Variants in ASPHD2 observed in about 807,000 individuals in gnomAD.
ASPHD2 encodes the protein aspartate beta-hydroxylase domain-containing protein 2.
In ASPHD2, 12 loss-of-function variants were observed where a neutral mutation model predicts 34.6. The ratio of observed to expected loss-of-function variants is 0.35; its 90% CI spans 0.22 to 0.56. ASPHD2 has a LOEUF of 0.56. Among genes scored for constraint, ASPHD2 ranks in the 20% least tolerant of loss-of-function variants. The pLI is 0.87. For synonymous variants in ASPHD2, 224 were observed against 212.2 expected (o/e 1.06, Z -0.48); for missense variants, 375 against 505.0 (o/e 0.74, Z 2.47).
chr22:26,440,572 G>T (rs1036704939), intron 2 of ASPHD2, among the ~76,000 whole-genome samples: 1 of 151,868 alleles, frequency 6.6e-6, no homozygotes, highest in Non-Finnish European at 1.5e-5. Flanking sequence ...GGCCTCACGC[G>T]ATCTGCCCAC....
chr22:26,438,873 G>T (rs370594411), intron 2 of ASPHD2, among the ~76,000 whole-genome samples: 1 of 151,984 alleles, frequency 6.6e-6, no homozygotes, highest in Non-Finnish European at 1.5e-5. Context: ...AGGCTGGGAG[G>T]CTAGGCCAGT....
In ASPHD2 at chr22:26,444,229, T is replaced by C. The variant is rs2084887420; in HGVS notation, c.*1023T>C. 7.0e-6 allele frequency: 1 copy of C among 142,896 alleles called. No homozygotes were observed. Among genetic ancestry groups the C allele is most frequent in the Non-Finnish European group, 1.5e-5 (1 of 65,090 alleles). 8.9% of individuals were successfully genotyped at this position (142,896 alleles called of 1,614,324 possible). A position where few individuals can be genotyped will look rare whatever the true frequency, so the allele number is the denominator to read the frequency against. On this transcript the variant is annotated 3_prime_UTR_variant, in exon 4 of 4. Coordinates refer to ENST00000215906, the MANE Select transcript of ASPHD2 (RefSeq NM_020437.5). The stretch of plus-strand genomic sequence containing the variant: ...TGCTTTGGAGTTCTGTTGCCTATGT[T>C]TTTTTTTTTTTCATTTATTTGTCTG...
intron 2 of ASPHD2, among the ~76,000 whole-genome samples, chr22:26,435,653 GCTGT>G (rs1166432227): frequency 2.6e-5 from 4 of 152,074 alleles, no homozygotes; most frequent in African/African-American, 7.2e-5. Flanking sequence ...TGCTTCTCCT[GCTGT>G]CTGTGTGGGG....
chr22:26,433,390 A>C lies in ASPHD2; in HGVS notation c.-224-2A>C. On this transcript the variant is annotated splice_acceptor_variant, in intron 1 of 3. Transcript: ENST00000215906. LOFTEE classifies it low-confidence loss of function (5UTR_SPLICE). This position sits in a 1 kb window ranked among gnomAD's most constrained non-coding sequence, Gnocchi z 5.1. ...TATGCTGATTTTTTTTTTCCATCCC[A>C]GGTTTGGTTTTCCTAAACAAATCCT... 1 of 539,284 alleles carries C rather than the reference A, an allele frequency of 1.9e-6. No individual in the cohort carries two copies. Among genetic ancestry groups the C allele is most frequent in the African/African-American group, 1.9e-5 (1 of 51,798 alleles). The allele number at this position is 539,284 out of a possible 1,614,324, so 33.4% of individuals were successfully genotyped here.
rs1331016757 is a variant in ASPHD2, at chr22:26,429,614, G to GCCGCCGCCC, written c.-225+135_-225+143dup. On this transcript the variant is annotated intron_variant, in intron 1 of 3. Transcript: ENST00000215906. This position sits in a 1 kb window ranked among gnomAD's most constrained non-coding sequence, Gnocchi z 4.5. ...GCCCTCCCTTACCGGCGCCGCCGCC[G>GCCGCCGCCC]CCGCCGCCCCCGCCGAGGATGCTCC... 1.3e-5 allele frequency: 2 copies of GCCGCCGCCC among 155,314 alleles called. No individual in the cohort carries two copies. Among genetic ancestry groups the GCCGCCGCCC allele is most frequent in the Non-Finnish European group, 2.8e-5 (2 of 70,424 alleles). 9.6% of individuals were successfully genotyped at this position (155,314 alleles called of 1,614,324 possible).
chr22:26,438,544 C>CAT (rs2084811495), intron 2 of ASPHD2, among the ~76,000 whole-genome samples: 4 of 139,900 alleles, frequency 2.9e-5, no homozygotes, highest in African/African-American at 1.1e-4. Flanking sequence ...TATACACATA[C>CAT]ATATATACAC....
Position 26,434,228 on chromosome 22 carries a change from C to G in ASPHD2, c.613C>G (p.Leu205Val). 1 of 1,614,134 alleles carries G rather than the reference C, an allele frequency of 6.2e-7. No homozygotes were observed. Among genetic ancestry groups the G allele is most frequent in the Non-Finnish European group, 8.5e-7 (1 of 1,180,020 alleles). The part of the protein sequence containing the change: ...FQTILCEFET[L>V]YKAFSNCSLP... ...GACCATCCTGTGTGAGTTTGAGACC[C>G]TCTACAAAGCTTTCTCAAACTGCAG... Residue 205 changes from leucine to valine, a missense_variant, in exon 2 of 4, where the codon CTC becomes GTC. Leu to Val is a conservative substitution (Grantham distance 32). Transcript: ENST00000215906.
chr22:26,438,578 T>TACACATACATAC (rs879402719), intron 2 of ASPHD2, among the ~76,000 whole-genome samples: 2 of 139,250 alleles, frequency 1.4e-5, no homozygotes, highest in Non-Finnish European at 3.1e-5. Context: ...CATACATATA[T>TACACATACATAC]ATACATACAT....
chr22:26,440,804 G>A (rs2084831314), intron 2 of ASPHD2, among the ~76,000 whole-genome samples: 1 of 152,102 alleles, frequency 6.6e-6, no homozygotes, highest in African/African-American at 2.4e-5. Context: ...CACTGTGTGA[G>A]CCTTTGATTT....
At position 26,442,352 on chromosome 22, in the gene ASPHD2, G is replaced by A. The variant is rs1601707309; in HGVS notation, c.887-107G>A. 3.8e-6 allele frequency: 3 copies of A among 794,586 alleles called. No homozygotes were observed. In the South Asian group the frequency reaches 5.3e-5, roughly 14 times the overall value. The allele number at this position is 794,586 out of a possible 1,614,324, so 49.2% of individuals were successfully genotyped here. A position where few individuals can be genotyped will look rare whatever the true frequency, so the allele number is the denominator to read the frequency against. ...GGCTCCAGAGGTGTGAGGCAGGTCA[G>A]GTGCTTTAGAAGTCAAAAACTCTCA... On this transcript the variant is annotated intron_variant, in intron 2 of 3. Transcript: ENST00000215906.
rs867271019 is a variant in ASPHD2, at chr22:26,429,422, G to A, written c.-289G>A. On this transcript the variant is annotated 5_prime_UTR_variant, in exon 1 of 4. Transcript: ENST00000215906. This position sits in a 1 kb window ranked among gnomAD's most constrained non-coding sequence, Gnocchi z 4.5. Reference sequence around the variant, plus strand: ...GCGGCGCCGGGCAGGGGCCGTCCGCGGGTCCGCGCCCTCGGGCGGCGGCGT... The same window carrying A: ...GCGGCGCCGGGCAGGGGCCGTCCGCAGGTCCGCGCCCTCGGGCGGCGGCGT... 6.8e-6 allele frequency: 1 copy of A among 147,086 alleles called. No homozygotes were observed. The highest frequency in any genetic ancestry group is 2.5e-5 in the African/African-American group (1 of 40,742). 9.1% of individuals were successfully genotyped at this position (147,086 alleles called of 1,614,324 possible). A position where few individuals can be genotyped will look rare whatever the true frequency, so the allele number is the denominator to read the frequency against.
At chr22:26,441,676 A>T (rs2084841921) in intron 2 of ASPHD2, among the ~76,000 whole-genome samples, 1 of 152,138 alleles carries the variant, frequency 6.6e-6, no homozygotes, top group South Asian at 2.1e-4. Flanking sequence ...CTGTAATCCC[A>T]GCACTTTGGG....
rs772208277 is a variant in ASPHD2, at chr22:26,433,903, C to T, written c.288C>T (p.Ala96=). Residue 96 remains alanine (A), a synonymous_variant, in exon 2 of 4, where the codon GCC becomes GCT. Transcript: ENST00000215906. This position sits in a 1 kb window ranked among gnomAD's most constrained non-coding sequence, Gnocchi z 5.1. Reference sequence around the variant, plus strand: ...CCGTCAACTCCCTCATGCAGGCTGCCGATGCCAACGGGCTGCAGAATGGCT... The same window carrying T: ...CCGTCAACTCCCTCATGCAGGCTGCTGATGCCAACGGGCTGCAGAATGGCT... ...YVSVNSLMQA[A]DANGLQNGYV... is the part of the protein sequence containing the mutation. 1.1e-5 allele frequency: 17 copies of T among 1,613,560 alleles called. No homozygotes were observed. Among genetic ancestry groups the T allele is most frequent in the Non-Finnish European group, 5.9e-6 (7 of 1,180,044 alleles).
intron 2 of ASPHD2, among the ~76,000 whole-genome samples, chr22:26,441,478 TAA>T (rs34554219): frequency 3.1e-5 from 3 of 95,622 alleles, no homozygotes; most frequent in African/African-American, 4.5e-5. Flanking sequence ...ACCTTGTATC[TAA>T]AAAAAAAAAA....
At position 26,434,161 on chromosome 22, in the gene ASPHD2, C is replaced by T. The variant is rs747823171; in HGVS notation, c.546C>T (p.Asp182=). Residue 182 remains aspartate (D), a synonymous_variant, in exon 2 of 4, where the codon GAC becomes GAT. Coordinates refer to ENST00000215906, the MANE Select transcript of ASPHD2 (RefSeq NM_020437.5). ...CCACCACGCCCTATTTCTCCCGGGA[C>T]GCACAGAAACATGATGTGGAAGTGC... ...DLPTTPYFSR[D]AQKHDVEVLE... The T allele has an allele frequency of 2.5e-6, 4 of 1,612,326 alleles. No individual in the cohort carries two copies. Among genetic ancestry groups the T allele is most frequent in the African/African-American group, 1.3e-5 (1 of 74,828 alleles).
At chr22:26,442,870 A>G (rs946333519) in intron 3 of ASPHD2, among the ~76,000 whole-genome samples, 5 of 152,022 alleles carry the variant, frequency 3.3e-5, no homozygotes, top group African/African-American at 1.2e-4. Flanking sequence ...AAAAATTCCC[A>G]CTTAAAGATC....
At position 26,438,646 on chromosome 22, in the gene ASPHD2, CACAT is replaced by C. The variant is rs1325766576; in HGVS notation, c.887-3807_887-3804del. Reference sequence around the variant, plus strand: ...ACACATATATATACATATATATATACACATACATATATATATATACACATACATA... The same window carrying C: ...ACACATATATATACATATATATATACACATATATATATATACACATACATA... On this transcript the variant is annotated intron_variant, in intron 2 of 3. Coordinates refer to ENST00000215906, the MANE Select transcript of ASPHD2 (RefSeq NM_020437.5). 2.8e-4 allele frequency among the ~76,000 whole-genome samples: 17 copies of C among 59,900 alleles called. No individual in the cohort carries two copies. The East Asian group carries it at 5.8e-3, about 20-fold the overall frequency. 39.3% of individuals were successfully genotyped at this position (59,900 alleles called of 152,430 possible). A position where few individuals can be genotyped will look rare whatever the true frequency, so the allele number is the denominator to read the frequency against.
At chr22:26,442,418 C>T in intron 2 of ASPHD2, 41 bp from the exon 3 acceptor site, 2 of 1,464,378 alleles carry the variant, frequency 1.4e-6, no homozygotes, top group Non-Finnish European at 1.9e-6. Flanking sequence ...TTCCCTGAAT[C>T]TTGCCTGCCT....
At chr22:26,438,914 A>G (rs1219157894) in intron 2 of ASPHD2, among the ~76,000 whole-genome samples, 1 of 152,038 alleles carries the variant, frequency 6.6e-6, no homozygotes, top group Non-Finnish European at 1.5e-5. Flanking sequence ...TGCCTGCTTT[A>G]TATTTGCTGG....
Sources: gnomAD v4.1 joint callset for allele counts (sites outside exome capture counted in the v4.1 genomes callset) on GRCh38, gnomAD v4.1.1 for gene constraint, Gnocchi (gnomAD v3.1) non-coding constraint, MANE v1.5 for transcripts, NCBI Gene and HGNC (gene_info 2026-07-23, HGNC 2026-07-21) for gene names.